Variants in SLC39A11 observed in about 807,000 individuals in gnomAD.
SLC39A11 encodes zinc transporter ZIP11.
Under a neutral mutation model 36.1 loss-of-function variants are expected in SLC39A11, and 33 were observed. That is an observed-to-expected ratio of 0.91 (90% CI 0.69 to 1.22). The LOEUF (loss-of-function observed/expected upper bound fraction) is 1.22, where lower values mean the gene tolerates loss of function less well. SLC39A11 is among the 50% of genes most tolerant of loss of function. SLC39A11 has a pLI of 0.00. For missense variants in SLC39A11, 432 were observed against 430.3 expected (o/e 1.00, Z -0.03); for synonymous variants, 166 against 170.3 (o/e 0.97, Z 0.20).
rs138862214 is a variant in SLC39A11 at position 72,673,179 on chromosome 17, C to T, written c.672-23911G>A. ...CTGGAGAGCAATGGCATGATCTCAG[C>T]TCACTGCAACCTCCAGCTCCTGGGT... On this transcript the variant is annotated intron_variant, in intron 7 of 9. Coordinates refer to ENST00000255559, the MANE Select transcript of SLC39A11 (RefSeq NM_139177.4). Among the ~76,000 whole-genome samples, 260 of 152,266 alleles carry T rather than the reference C, an allele frequency of 1.7e-3. 1 individual carries two copies. The highest frequency in any genetic ancestry group is 5.8e-3 in the African/African-American group (241 of 41,538).
chr17:72,668,012 G>A (rs2070833697), intron 7 of SLC39A11, among the ~76,000 whole-genome samples: 1 of 152,188 alleles, frequency 6.6e-6, no homozygotes, highest in African/African-American at 2.4e-5. Flanking sequence ...CAGAAACAGT[G>A]CAGAGTGAGG....
chr17:73,070,222 A>G (rs764363667), intron 3 of SLC39A11, among the ~76,000 whole-genome samples: 8 of 152,230 alleles, frequency 5.3e-5, no homozygotes, highest in Non-Finnish European at 7.3e-5. Flanking sequence ...CAGGCTGACC[A>G]GTATCCCATG....
chr17:72,858,291 T>C (rs564881808), intron 5 of SLC39A11, among the ~76,000 whole-genome samples: 1 of 152,324 alleles, frequency 6.6e-6, no homozygotes, highest in African/African-American at 2.4e-5. Flanking sequence ...GTTGTAGATG[T>C]TCAGCCTTAT....
At chr17:73,077,101 C>T (rs1326938109) in intron 3 of SLC39A11, among the ~76,000 whole-genome samples, 1 of 152,110 alleles carries the variant, frequency 6.6e-6, no homozygotes, top group Non-Finnish European at 1.5e-5. Context: ...TAATTTATTC[C>T]ATGATATAAG....
intron 7 of SLC39A11, among the ~76,000 whole-genome samples, chr17:72,678,660 G>A (rs529077512): frequency 6.6e-6 from 1 of 151,964 alleles, no homozygotes; most frequent in Non-Finnish European, 1.5e-5. Context: ...AGCCGAGATT[G>A]CGCCACTGCA....
At chr17:72,990,244 C>G (rs559935386) in intron 4 of SLC39A11, among the ~76,000 whole-genome samples, 2 of 152,318 alleles carry the variant, frequency 1.3e-5, no homozygotes, top group South Asian at 4.1e-4. Context: ...CAGTTACAAA[C>G]CCTAAGACTG....
chr17:72,914,418 T>C (rs1472751543), intron 5 of SLC39A11, among the ~76,000 whole-genome samples: 2 of 152,116 alleles, frequency 1.3e-5, no homozygotes, highest in Non-Finnish European at 2.9e-5. Context: ...GATATAGTAT[T>C]AGGTATGATA....
intron 7 of SLC39A11, among the ~76,000 whole-genome samples, chr17:72,697,229 C>T (rs757121491): frequency 2.0e-5 from 3 of 152,148 alleles, no homozygotes; most frequent in Non-Finnish European, 2.9e-5. Flanking sequence ...ACTACAAGTG[C>T]ACGCCACCAC....
chr17:72,953,633 G>A (rs938317484), intron 4 of SLC39A11, among the ~76,000 whole-genome samples: 1 of 152,206 alleles, frequency 6.6e-6, no homozygotes, highest in South Asian at 2.1e-4. Context: ...TGCATATTAA[G>A]TCTACAAGGG....
chr17:72,973,538 T>C (rs1304144131), intron 4 of SLC39A11, among the ~76,000 whole-genome samples: 2 of 152,124 alleles, frequency 1.3e-5, no homozygotes, highest in Non-Finnish European at 2.9e-5. Context: ...TGGAGTTCTG[T>C]TAGAAAGACA....
chr17:73,052,274 A>T (rs1051458657), intron 3 of SLC39A11, among the ~76,000 whole-genome samples: 1 of 152,180 alleles, frequency 6.6e-6, no homozygotes, highest in Admixed American at 6.5e-5. Flanking sequence ...TCAGACAGAT[A>T]AGGATGCATG....
Position 72,729,982 on chromosome 17 carries a change from C to T in SLC39A11, c.671+6668G>A, listed in dbSNP as rs7221363. ...ATATCACATCGAAATCAAGACAATG[C>T]GGTCTGAATGGCATTGATCTTAGGG... On this transcript the variant is annotated intron_variant, in intron 7 of 9. Coordinates refer to ENST00000255559, the MANE Select transcript of SLC39A11 (RefSeq NM_139177.4). Among the ~76,000 whole-genome samples the T allele has an allele frequency of 3.4e-3, 510 of 152,186 alleles. 4 individuals are homozygous for T. The highest frequency in any genetic ancestry group is 0.011 in the African/African-American group (459 of 41,522).
rs533205903 is a variant in SLC39A11, at chr17:72,684,071, G to A, written c.672-34803C>T. Among the ~76,000 whole-genome samples the A allele has an allele frequency of 4.7e-4, 72 of 152,276 alleles. 1 individual carries two copies. The South Asian group carries it at 0.012, about 25-fold the overall frequency. On this transcript the variant is annotated intron_variant, in intron 7 of 9. Coordinates refer to ENST00000255559, the MANE Select transcript of SLC39A11 (RefSeq NM_139177.4). The stretch of plus-strand genomic sequence containing the variant: ...GGTAAATATTTGCAGTGACTCACCA[G>A]AGAGGTTTTTCTGCTCTCCTTCTGG...
chr17:72,649,651 T>C (rs2069759174), intron 7 of SLC39A11, among the ~76,000 whole-genome samples: 2 of 150,586 alleles, frequency 1.3e-5, no homozygotes, highest in South Asian at 4.2e-4. Flanking sequence ...TTTCTTTTTT[T>C]TTTTTTTTGA....
At chr17:72,905,457 T>C (rs933595648) in intron 5 of SLC39A11, among the ~76,000 whole-genome samples, 1 of 151,392 alleles carries the variant, frequency 6.6e-6, no homozygotes, top group Admixed American at 6.6e-5. Context: ...ATTACCCAGG[T>C]GTGGTGGCAC....
chr17:72,900,196 A>G lies in SLC39A11; in HGVS notation c.430+47556T>C, dbSNP rs143992817. On this transcript the variant is annotated intron_variant, in intron 5 of 9. Transcript: ENST00000255559. ...AAGAAAGAAAGAAAGAAAGAAAGAA[A>G]GAAAGAAAGAAAGAAAGAAAGAAAG... Among the ~76,000 whole-genome samples the G allele has an allele frequency of 8.0e-3, 1,093 of 137,076 alleles. 155 individuals are homozygous for G. Among genetic ancestry groups the G allele is most frequent in the African/African-American group, 0.033 (1,018 of 30,682 alleles). The allele number at this position is 137,076 out of a possible 152,430, so 89.9% of individuals were successfully genotyped here. A position where few individuals can be genotyped will look rare whatever the true frequency, so the allele number is the denominator to read the frequency against.
intron 5 of SLC39A11, among the ~76,000 whole-genome samples, chr17:72,931,288 C>T (rs1188919198): frequency 6.6e-6 from 1 of 152,156 alleles, no homozygotes; most frequent in Admixed American, 6.5e-5. Context: ...TTAACCAAGT[C>T]GAGAAGTACT....
chr17:72,912,186 C>T (rs1429457373), intron 5 of SLC39A11, among the ~76,000 whole-genome samples: 1 of 152,010 alleles, frequency 6.6e-6, no homozygotes, highest in Non-Finnish European at 1.5e-5. Context: ...CTAAGTAAGC[C>T]TCTCTGAGCC....
chr17:72,779,837 C>A (rs1271043836), intron 6 of SLC39A11, among the ~76,000 whole-genome samples: 1 of 152,194 alleles, frequency 6.6e-6, no homozygotes, highest in African/African-American at 2.4e-5. Flanking sequence ...TTGCTCTTAG[C>A]CCTGCCCTTA....
Sources: gnomAD v4.1 joint callset for allele counts (sites outside exome capture counted in the v4.1 genomes callset) on GRCh38, gnomAD v4.1.1 for gene constraint, MANE v1.5 for transcripts, NCBI Gene and HGNC (gene_info 2026-07-23, HGNC 2026-07-21) for gene names.